The following SLC9B1 variants were observed in gnomAD, a reference collection of about 807,000 sequenced individuals.
SLC9B1 encodes the protein sodium/hydrogen exchanger 9B1.
Under a neutral mutation model 51.7 loss-of-function variants are expected in SLC9B1, and 32 were observed. The ratio of observed to expected loss-of-function variants is 0.62; its 90% CI spans 0.47 to 0.83. The LOEUF (loss-of-function observed/expected upper bound fraction) is 0.83, where lower values mean the gene tolerates loss of function less well. Ranked by LOEUF, SLC9B1 falls within the 40% of genes least tolerant of loss-of-function variation. The probability of loss-of-function intolerance (pLI) is 0.00; values close to 1 mark genes in which losing one functional copy is unlikely to be tolerated. For synonymous variants in SLC9B1, 145 were observed against 212.7 expected, an observed-to-expected ratio of 0.68 and a Z score of 2.77; for missense variants, 406 against 613.2, an observed-to-expected ratio of 0.66 and a Z score of 3.57.
chr4:103,017,961 C>T (rs1277064997), intron 1 of SLC9B1, among the ~76,000 whole-genome samples: 1 of 152,186 alleles, frequency 6.6e-6, no homozygotes, highest in Non-Finnish European at 1.5e-5. Flanking sequence ...TTTACTACTG[C>T]TAGACTAAGC....
intron 3 of SLC9B1, among the ~76,000 whole-genome samples, chr4:102,984,479 G>C (rs1304738582): frequency 1.3e-5 from 2 of 152,092 alleles, no homozygotes; most frequent in Non-Finnish European, 2.9e-5. Context: ...GAAGTGTGTT[G>C]TTTAATCTTT....
At chr4:102,889,642 G>C (rs1417911369) in intron 11 of SLC9B1, 3 of 152,092 alleles carry the variant, frequency 2.0e-5, no homozygotes, top group African/African-American at 7.2e-5. Context: ...CTTTTTCCCT[G>C]CCACATTTTC....
At chr4:102,969,960 C>G (rs1268657360) in intron 3 of SLC9B1, among the ~76,000 whole-genome samples, 1 of 151,906 alleles carries the variant, frequency 6.6e-6, no homozygotes, top group East Asian at 1.9e-4. Flanking sequence ...AAAAAACGAA[C>G]AAAGCCTCCA....
At chr4:102,915,097 C>G (rs1460547598) in intron 7 of SLC9B1, among the ~76,000 whole-genome samples, 1 of 108,550 alleles carries the variant, frequency 9.2e-6, no homozygotes, top group East Asian at 2.6e-4. Flanking sequence ...ATTAAAAGGG[C>G]TGAAAGAAAA....
At chr4:102,982,788 T>C (rs995110203) in intron 3 of SLC9B1, among the ~76,000 whole-genome samples, 13 of 152,124 alleles carry the variant, frequency 8.5e-5, no homozygotes, top group Non-Finnish European at 1.8e-4. Context: ...TTTTACATGA[T>C]TCTTTTAGAA....
At chr4:102,947,912 A>G (rs1219578552) in intron 4 of SLC9B1, among the ~76,000 whole-genome samples, 4 of 152,248 alleles carry the variant, frequency 2.6e-5, no homozygotes, top group Admixed American at 1.3e-4. Context: ...CACTTTAGAA[A>G]GTTTTATAAA....
At chr4:102,925,662 G>C (rs1427513038) in intron 7 of SLC9B1, among the ~76,000 whole-genome samples, 1 of 116,444 alleles carries the variant, frequency 8.6e-6, no homozygotes, top group Non-Finnish European at 1.7e-5. Flanking sequence ...TATCAACATT[G>C]AAAACATCAA....
At chr4:102,963,847 GA>G (rs1252252663) in intron 3 of SLC9B1, among the ~76,000 whole-genome samples, 4 of 152,020 alleles carry the variant, frequency 2.6e-5, no homozygotes, top group Admixed American at 6.6e-5. Context: ...TTTAAAAACA[GA>G]AAGAAAAAAT....
chr4:102,958,107 C>A (rs1169000574), intron 3 of SLC9B1, among the ~76,000 whole-genome samples: 1 of 152,148 alleles, frequency 6.6e-6, no homozygotes, highest in Non-Finnish European at 1.5e-5. Flanking sequence ...TGTCCCTGCC[C>A]AAATCTCATG....
At chr4:102,940,723 C>A (rs957789778) in intron 6 of SLC9B1, among the ~76,000 whole-genome samples, 7 of 152,188 alleles carry the variant, frequency 4.6e-5, no homozygotes, top group Non-Finnish European at 8.8e-5. Context: ...TCTTTACAAA[C>A]TATGCATCCA....
At position 102,932,252 on chromosome 4, in the gene SLC9B1, A is replaced by G. The variant is rs141566610; in HGVS notation, c.701T>C (p.Met234Thr). ...ACCATATCCATTTTCTTGCAGCACCATCATGTAAGGGACAACAACAGCAGG... is the reference window on the plus strand; with the variant it reads ...ACCATATCCATTTTCTTGCAGCACCGTCATGTAAGGGACAACAACAGCAGG... ...VSPAVVVPYM[M>T]VLQENGYGVE... Residue 234 changes from methionine (M) to threonine (T), a missense_variant, in exon 7 of 12, where the codon ATG (methionine) becomes ACG (threonine). Coordinates refer to ENST00000296422, the MANE Select transcript of SLC9B1 (RefSeq NM_139173.4). 206 of 1,611,916 alleles carry G rather than the reference A, an allele frequency of 1.3e-4. No homozygotes were observed. In the African/African-American group the frequency reaches 2.4e-3, roughly 19 times the overall value.
chr4:102,996,430 G>C (rs1740220975), intron 1 of SLC9B1, among the ~76,000 whole-genome samples: 1 of 151,920 alleles, frequency 6.6e-6, no homozygotes, highest in Non-Finnish European at 1.5e-5. Flanking sequence ...AGCTTTTGTT[G>C]TTTAAGAAAT....
At chr4:102,949,549 G>A in intron 3 of SLC9B1, 122 bp from the exon 4 acceptor site, 2 of 608,720 alleles carry the variant, frequency 3.3e-6, no homozygotes, top group Non-Finnish European at 5.1e-6. Flanking sequence ...ACATGGTATA[G>A]ATCAACATTG....
intron 1 of SLC9B1, among the ~76,000 whole-genome samples, chr4:102,998,100 C>T (rs1560526057): frequency 6.6e-6 from 1 of 152,148 alleles, no homozygotes; most frequent in Non-Finnish European, 1.5e-5. Context: ...ACCATCACCA[C>T]CATCCATCTC....
At chr4:102,997,908 A>C (rs9994654) in intron 1 of SLC9B1, among the ~76,000 whole-genome samples, 30,063 of 152,110 alleles carry the variant, frequency 0.2, 2,996 homozygotes, top group East Asian at 0.21. Context: ...TCTGTTAAAA[A>C]TTTAACTGTC....
Position 102,924,022 on chromosome 4 carries a change from C to G in SLC9B1, c.829+8102G>C, listed in dbSNP as rs186512628. Among the ~76,000 whole-genome samples the G allele has an allele frequency of 2.6e-5, 4 of 152,282 alleles. No homozygotes were observed. The East Asian group carries it at 5.8e-4, about 22-fold the overall frequency. ...ATTCAATGCCATCCCCATCAAGCTACCAATGACTTTCTTCACAGAATTGGA... is the reference window on the plus strand; with the variant it reads ...ATTCAATGCCATCCCCATCAAGCTAGCAATGACTTTCTTCACAGAATTGGA... On this transcript the variant is annotated intron_variant, in intron 7 of 11. Coordinates refer to ENST00000296422, the MANE Select transcript of SLC9B1 (RefSeq NM_139173.4).
chr4:102,964,504 C>G (rs371141311), intron 3 of SLC9B1, among the ~76,000 whole-genome samples: 1 of 152,154 alleles, frequency 6.6e-6, no homozygotes, highest in East Asian at 1.9e-4. Context: ...GAAAACACAG[C>G]TATATACCAA....
intron 6 of SLC9B1, among the ~76,000 whole-genome samples, chr4:102,938,392 T>C (rs781255029): frequency 7.9e-5 from 12 of 152,172 alleles, no homozygotes; most frequent in Non-Finnish European, 1.5e-4. Context: ...TAGAGACCTA[T>C]AGAGAAACTT....
intron 4 of SLC9B1, among the ~76,000 whole-genome samples, chr4:102,947,253 G>C (rs1737313232): frequency 6.6e-6 from 1 of 152,240 alleles, no homozygotes; most frequent in Admixed American, 6.5e-5. Flanking sequence ...TAGAGCAAAA[G>C]AGAAAGTTTG....
Sources: gnomAD v4.1 joint callset for allele counts (sites outside exome capture counted in the v4.1 genomes callset) on GRCh38, gnomAD v4.1.1 for gene constraint, MANE v1.5 for transcripts, NCBI Gene and HGNC (gene_info 2026-07-23, HGNC 2026-07-21) for gene names.